Variants in OR1J2 observed in about 807,000 individuals in gnomAD.
The protein encoded by OR1J2 is olfactory receptor 1J2.
For missense variants in OR1J2, 304 were observed against 246.1 expected, an observed-to-expected ratio of 1.24 and a Z score of -1.57; for synonymous variants, 142 against 99.7, an observed-to-expected ratio of 1.42 and a Z score of -2.52.
At chr9:122,456,942 C>T in the OR1J2 span, among the ~76,000 whole-genome samples, 4 of 152,130 alleles carry the variant, frequency 2.6e-5, no homozygotes, top group Non-Finnish European at 5.9e-5. Flanking sequence ...TGCAGCACTA[C>T]TCACAATAGC....
chr9:122,574,076 A>G, the OR1J2 span, among the ~76,000 whole-genome samples: 16 of 151,918 alleles, frequency 1.1e-4, no homozygotes, highest in African/African-American at 3.9e-4. Flanking sequence ...CCATTGATCT[A>G]TTTGCCTATT....
the OR1J2 span, among the ~76,000 whole-genome samples, chr9:122,527,953 C>T: frequency 4.6e-5 from 7 of 152,088 alleles, no homozygotes; most frequent in Admixed American, 3.3e-4. Context: ...TATTCTTACC[C>T]TTATATAAGA....
the OR1J2 span, among the ~76,000 whole-genome samples, chr9:122,549,111 G>T: frequency 6.6e-6 from 1 of 152,062 alleles, no homozygotes; most frequent in African/African-American, 2.4e-5. Flanking sequence ...GATCCCCAAT[G>T]TTGGATGTGG....
chr9:122,574,183 C>T, the OR1J2 span, among the ~76,000 whole-genome samples: 7 of 152,236 alleles, frequency 4.6e-5, no homozygotes, highest in African/African-American at 1.4e-4. Flanking sequence ...GACTTGGCTA[C>T]TCTGGGTCTT....
At chr9:122,453,130 CTA>C in the OR1J2 span, among the ~76,000 whole-genome samples, 2 of 152,088 alleles carry the variant, frequency 1.3e-5, no homozygotes, top group African/African-American at 4.8e-5. Context: ...TTGCCTTCCA[CTA>C]TGAGTAAAAC....
At chr9:122,471,705 G>C in the OR1J2 span, among the ~76,000 whole-genome samples, 1 of 152,180 alleles carries the variant, frequency 6.6e-6, no homozygotes, top group Non-Finnish European at 1.5e-5. Context: ...ATGCAGCAAA[G>C]AATGCTGTCC....
At chr9:122,516,139 A>C (rs1828697315), downstream of OR1J2, among the ~76,000 whole-genome samples, 1 of 151,970 alleles carries the variant, frequency 6.6e-6, no homozygotes, top group African/African-American at 2.4e-5. Flanking sequence ...AAGACATACA[A>C]CTTTGATTTG....
the OR1J2 span, among the ~76,000 whole-genome samples, chr9:122,560,067 T>C: frequency 0.27 from 41,424 of 152,098 alleles, 5,813 homozygotes; most frequent in Middle Eastern, 0.34. Flanking sequence ...GCATTGTTCC[T>C]TTTACCATTA....
At chr9:122,484,991 A>G in the OR1J2 span, among the ~76,000 whole-genome samples, 1 of 152,158 alleles carries the variant, frequency 6.6e-6, no homozygotes, top group Non-Finnish European at 1.5e-5. Flanking sequence ...AGATTCTGCC[A>G]CTGCACTCCA....
chr9:122,545,649 T>G, the OR1J2 span, among the ~76,000 whole-genome samples: 2 of 152,176 alleles, frequency 1.3e-5, no homozygotes, highest in Admixed American at 6.6e-5. Flanking sequence ...TTTCTTATAC[T>G]TAGTATTTTT....
the OR1J2 span, among the ~76,000 whole-genome samples, chr9:122,569,293 T>A: frequency 2.0e-5 from 3 of 152,178 alleles, no homozygotes; most frequent in African/African-American, 7.2e-5. Context: ...GCACCCATTG[T>A]TAAGTGTTAA....
At chr9:122,545,044 A>G in the OR1J2 span, among the ~76,000 whole-genome samples, 73 of 152,158 alleles carry the variant, frequency 4.8e-4, no homozygotes, top group African/African-American at 1.5e-3. Flanking sequence ...TTTTAATATA[A>G]TTCATCTCAA....
At chr9:122,545,543 C>G in the OR1J2 span, among the ~76,000 whole-genome samples, 66,022 of 151,262 alleles carry the variant, frequency 0.44, 15,416 homozygotes, top group East Asian at 0.87. Flanking sequence ...CAGGATGAGT[C>G]GATCATATTA....
At chr9:122,507,887 T>G (rs552456014), upstream of OR1J2, among the ~76,000 whole-genome samples, 1 of 152,276 alleles carries the variant, frequency 6.6e-6, no homozygotes, top group Admixed American at 6.5e-5. Flanking sequence ...TTCAAATATG[T>G]CATCTCACTT....
At chr9:122,528,578 AT>A in the OR1J2 span, among the ~76,000 whole-genome samples, 1 of 152,254 alleles carries the variant, frequency 6.6e-6, no homozygotes, top group Non-Finnish European at 1.5e-5. Context: ...AGCCTGGGCA[AT>A]AGAGCAAGAC....
the OR1J2 span, among the ~76,000 whole-genome samples, chr9:122,494,700 T>C: frequency 6.6e-6 from 1 of 152,284 alleles, no homozygotes; most frequent in East Asian, 1.9e-4. Flanking sequence ...TATTGAGATA[T>C]GAGGCAGTAT....
the OR1J2 span, among the ~76,000 whole-genome samples, chr9:122,570,801 T>C: frequency 6.6e-6 from 1 of 151,068 alleles, no homozygotes; most frequent in Non-Finnish European, 1.5e-5. Context: ...GAATCAGTAA[T>C]TAAAGTCAAT....
At chr9:122,516,557 C>T (rs1167523627), downstream of OR1J2, among the ~76,000 whole-genome samples, 1 of 152,104 alleles carries the variant, frequency 6.6e-6, no homozygotes, top group Non-Finnish European at 1.5e-5. Context: ...CCCGCCTCGG[C>T]CTCCCAAAGT....
downstream of OR1J2, among the ~76,000 whole-genome samples, chr9:122,514,883 T>C (rs918861640): frequency 4.6e-5 from 7 of 152,132 alleles, no homozygotes; most frequent in Non-Finnish European, 7.4e-5. Flanking sequence ...GCCACTTGCC[T>C]CAGAATTTTC....
Sources: gnomAD v4.1 joint callset for allele counts (sites outside exome capture counted in the v4.1 genomes callset) on GRCh38, gnomAD v4.1.1 for gene constraint, MANE v1.5 for transcripts, NCBI Gene and HGNC (gene_info 2026-07-23, HGNC 2026-07-21) for gene names.